The following ABCC9 variants were observed in gnomAD, a reference collection of about 807,000 sequenced individuals.
ABCC9 encodes ATP binding cassette subfamily C member 9, also known as ATP-binding cassette sub-family C member 9.
In ABCC9, 95 loss-of-function variants were observed where a neutral mutation model predicts 188.3. That is an observed-to-expected ratio of 0.50 (90% CI 0.43 to 0.60). ABCC9 has a LOEUF of 0.60. ABCC9 is among the 20% of genes least tolerant of loss of function. ABCC9 has a pLI of 0.00. For synonymous variants in ABCC9, 659 were observed against 652.7 expected, an observed-to-expected ratio of 1.01 and a Z score of -0.15; for missense variants, 1,102 against 1,876.3, an observed-to-expected ratio of 0.59 and a Z score of 7.62.
intron 32 of ABCC9, 94 bp downstream of exon 32, chr12:21,818,056 G>T: frequency 4.3e-6 from 4 of 923,040 alleles, no homozygotes; most frequent in Non-Finnish European, 5.2e-6. Flanking sequence ...TCCCCTCTCT[G>T]TGCTCATGTG....
chr12:21,891,997 T>G (rs1947182743), intron 14 of ABCC9, among the ~76,000 whole-genome samples: 1 of 152,200 alleles, frequency 6.6e-6, no homozygotes, highest in African/African-American at 2.4e-5. Flanking sequence ...GTCATCTCTG[T>G]AGGACCTGCA....
At chr12:21,936,766 T>C (rs948868556) in intron 2 of ABCC9, 72 bp from the exon 3 acceptor site, 5 of 1,141,968 alleles carry the variant, frequency 4.4e-6, no homozygotes, top group Non-Finnish European at 6.4e-6. Context: ...TATTAAAGCC[T>C]TGAATAGAGG....
chr12:21,856,531 A>G (rs967351068), intron 22 of ABCC9, among the ~76,000 whole-genome samples: 1 of 152,216 alleles, frequency 6.6e-6, no homozygotes, highest in Non-Finnish European at 1.5e-5. Context: ...TACATAATTA[A>G]GACATTTTCA....
At chr12:21,908,286 A>T in intron 10 of ABCC9, 75 bp from the exon 11 acceptor site, 1 of 1,518,912 alleles carries the variant, frequency 6.6e-7, no homozygotes, top group South Asian at 1.1e-5. Context: ...CATAATTTTT[A>T]GTGCAAATGT....
rs549960647 is a variant in ABCC9 at position 21,798,037 on chromosome 12, A to T, written c.*3007T>A. On this transcript the variant is annotated 3_prime_UTR_variant, in exon 40 of 40. Transcript: ENST00000261200. ...ATGTATAATAAATGGTTAATCAATGAAAAACATTATCCTTGACCTTATTTA... is the reference window on the plus strand; with the variant it reads ...ATGTATAATAAATGGTTAATCAATGTAAAACATTATCCTTGACCTTATTTA... 6.6e-6 allele frequency: 1 copy of T among 152,326 alleles called. No individual in the cohort carries two copies. The highest frequency in any genetic ancestry group is 2.1e-4 in the South Asian group (1 of 4,830). The allele number at this position is 152,326 out of a possible 1,614,324, so 9.4% of individuals were successfully genotyped here.
rs1941336938 is a variant in ABCC9, at chr12:21,799,576, T to G, written c.*1468A>C. On this transcript the variant is annotated 3_prime_UTR_variant, in exon 40 of 40. Coordinates refer to ENST00000261200, the MANE Select transcript of ABCC9 (RefSeq NM_020297.4). Reference sequence around the variant, plus strand: ...GTCCATCTTGTGGAACTTATTTTTTTGTAAATATAAAGATTAAATATTCAG... The same window carrying G: ...GTCCATCTTGTGGAACTTATTTTTTGGTAAATATAAAGATTAAATATTCAG... 1 of 152,216 alleles carries G rather than the reference T, an allele frequency of 6.6e-6. No homozygotes were observed. The highest frequency in any genetic ancestry group is 1.5e-5 in the Non-Finnish European group (1 of 68,028). The allele number at this position is 152,216 out of a possible 1,614,324, so 9.4% of individuals were successfully genotyped here.
chr12:21,902,547 C>A (rs1311775301), intron 12 of ABCC9, among the ~76,000 whole-genome samples: 1 of 152,116 alleles, frequency 6.6e-6, no homozygotes, highest in African/African-American at 2.4e-5. Context: ...AGATAGACCA[C>A]TAGCAAGACT....
At chr12:21,911,087 T>C (rs1948303685) in intron 8 of ABCC9, 109 bp from the exon 9 acceptor site, 2 of 1,079,926 alleles carry the variant, frequency 1.9e-6, no homozygotes, top group South Asian at 1.5e-5. Flanking sequence ...AAAAATTCAA[T>C]GTATTTATTA....
chr12:21,866,600 A>G (rs1945794664), intron 18 of ABCC9, among the ~76,000 whole-genome samples: 1 of 152,218 alleles, frequency 6.6e-6, no homozygotes. Context: ...ACTTAGAACT[A>G]ATACAATGAT....
At chr12:21,821,294 T>A (rs16924332) in intron 31 of ABCC9, among the ~76,000 whole-genome samples, 5 of 152,024 alleles carry the variant, frequency 3.3e-5, no homozygotes, top group African/African-American at 4.8e-5. Context: ...CATTTAGAAC[T>A]GTAATATGAC....
chr12:21,938,407 A>T (rs1030617946), intron 2 of ABCC9, among the ~76,000 whole-genome samples: 1 of 152,200 alleles, frequency 6.6e-6, no homozygotes, highest in Non-Finnish European at 1.5e-5. Context: ...AAAGAATAAA[A>T]GGGACTTGAA....
intron 12 of ABCC9, among the ~76,000 whole-genome samples, chr12:21,901,371 C>T (rs1027138374): frequency 1.2e-4 from 19 of 152,088 alleles, no homozygotes; most frequent in South Asian, 1.0e-3. Flanking sequence ...TAAAGCCCAT[C>T]GATGCTAGGA....
chr12:21,865,864 C>G (rs1299040594), intron 18 of ABCC9, among the ~76,000 whole-genome samples: 1 of 151,998 alleles, frequency 6.6e-6, no homozygotes, highest in African/African-American at 2.4e-5. Flanking sequence ...TCTTTCACAC[C>G]ACTTTCACTT....
At chr12:21,866,368 C>G (rs1240858282) in intron 18 of ABCC9, among the ~76,000 whole-genome samples, 1 of 152,008 alleles carries the variant, frequency 6.6e-6, no homozygotes, top group Non-Finnish European at 1.5e-5. Flanking sequence ...GGGAACAAGA[C>G]TGGAGATCAT....
At position 21,932,207 on chromosome 12, in the gene ABCC9, CAA is replaced by C. The variant is rs200296801; in HGVS notation, c.284+1573_284+1574del. Among the ~76,000 whole-genome samples the C allele has an allele frequency of 0.017, 2,580 of 152,012 alleles. 131 individuals are homozygous for C. In the East Asian group the frequency reaches 0.17, roughly 10 times the overall value. On this transcript the variant is annotated intron_variant, in intron 4 of 39. Transcript: ENST00000261200. ...AAAAATATTTTCACCAGATTATGTT[CAA>C]GTTTATAAATATAATTCATTATATT...
chr12:21,889,501 A>G (rs970740470), intron 14 of ABCC9, among the ~76,000 whole-genome samples: 10 of 152,186 alleles, frequency 6.6e-5, no homozygotes, highest in Non-Finnish European at 1.5e-4. Context: ...TCTCTGCACA[A>G]AAAAACAAAG....
At chr12:21,805,914 A>G (rs1002444021) in intron 39 of ABCC9, 84 bp downstream of exon 39, 1 of 1,236,202 alleles carries the variant, frequency 8.1e-7, no homozygotes, top group Admixed American at 1.7e-5. Flanking sequence ...ATTCAACACA[A>G]GTATATTTTG....
At chr12:21,821,458 C>T (rs1006873097) in intron 31 of ABCC9, among the ~76,000 whole-genome samples, 1 of 151,890 alleles carries the variant, frequency 6.6e-6, no homozygotes, top group African/African-American at 2.4e-5. Flanking sequence ...GGGAAAAAAA[C>T]TCACAAAATG....
chr12:21,906,036 T>A, intron 12 of ABCC9, 90 bp downstream of exon 12: 1 of 1,405,436 alleles, frequency 7.1e-7, no homozygotes, highest in African/African-American at 1.4e-5. Flanking sequence ...AGAACTAGAA[T>A]GTTTCATTGA....
Sources: gnomAD v4.1 joint callset for allele counts (sites outside exome capture counted in the v4.1 genomes callset) on GRCh38, gnomAD v4.1.1 for gene constraint, MANE v1.5 for transcripts, NCBI Gene and HGNC (gene_info 2026-07-23, HGNC 2026-07-21) for gene names.